SMIM36: variants seen among roughly 807,000 people sequenced by gnomAD.
SMIM36 encodes small integral membrane protein 36.
At chr17:55,512,897 T>C (rs887643583), upstream of SMIM36, among the ~76,000 whole-genome samples, 2 of 152,216 alleles carry the variant, frequency 1.3e-5, no homozygotes, top group Non-Finnish European at 2.9e-5. Context: ...TGGGCTAGTG[T>C]CTTCCTGTCA....
At chr17:55,470,154 G>T (rs1034345596) in intron 3 of SMIM36, among the ~76,000 whole-genome samples, 1 of 152,178 alleles carries the variant, frequency 6.6e-6, no homozygotes, top group East Asian at 1.9e-4. Flanking sequence ...ATCTGTGCAG[G>T]TCCCCACTGG....
At chr17:55,527,294 T>G in the SMIM36 span, 3 of 152,316 alleles carry the variant, frequency 2.0e-5, no homozygotes, top group South Asian at 6.2e-4. Context: ...ATTTCTCTCC[T>G]GGTGGGGATT....
At chr17:55,527,794 G>C in the SMIM36 span, 1 of 152,216 alleles carries the variant, frequency 6.6e-6, no homozygotes, top group Non-Finnish European at 1.5e-5. Context: ...CCACTCTGCA[G>C]ATCAGGGGAG....
At chr17:55,523,319 C>T in the SMIM36 span, among the ~76,000 whole-genome samples, 11 of 151,962 alleles carry the variant, frequency 7.2e-5, no homozygotes, top group East Asian at 1.2e-3. Flanking sequence ...ATCACGATGT[C>T]GGGAGATCGA....
intron 3 of SMIM36, among the ~76,000 whole-genome samples, chr17:55,467,571 T>C (rs1269689683): frequency 3.9e-5 from 6 of 152,122 alleles, no homozygotes; most frequent in Non-Finnish European, 5.9e-5. Flanking sequence ...TAATTTTTTG[T>C]ATTTTTAGTA....
intron 3 of SMIM36, among the ~76,000 whole-genome samples, chr17:55,471,126 C>T (rs983913105): frequency 3.9e-5 from 6 of 152,126 alleles, no homozygotes; most frequent in African/African-American, 1.4e-4. Flanking sequence ...CATCTCTCCT[C>T]CCAGCCTCTT....
chr17:55,526,210 C>G, the SMIM36 span, among the ~76,000 whole-genome samples: 9 of 152,246 alleles, frequency 5.9e-5, no homozygotes, highest in South Asian at 1.9e-3. Flanking sequence ...GTGGTGCGAT[C>G]TCGGCTCACT....
At chr17:55,487,776 C>T (rs1264145493) in intron 1 of SMIM36, among the ~76,000 whole-genome samples, 1 of 152,152 alleles carries the variant, frequency 6.6e-6, no homozygotes, top group Non-Finnish European at 1.5e-5. Flanking sequence ...GAGAGAGTGG[C>T]TTAAGTAAAA....
At chr17:55,476,463 T>G (rs565543181) in intron 3 of SMIM36, among the ~76,000 whole-genome samples, 1 of 152,244 alleles carries the variant, frequency 6.6e-6, no homozygotes, top group Non-Finnish European at 1.5e-5. Flanking sequence ...AAAGCTTTAT[T>G]GCTCACATAA....
Position 55,501,050 on chromosome 17 carries a change from T to A in SMIM36, c.*174+9829A>T, listed in dbSNP as rs1312023459. Among the ~76,000 whole-genome samples, 6 of 44,622 alleles carry A rather than the reference T, an allele frequency of 1.3e-4. 1 individual carries two copies. The highest frequency in any genetic ancestry group is 1.5e-3 in the East Asian group (2 of 1,324). 29.3% of individuals were successfully genotyped at this position (44,622 alleles called of 152,430 possible). On this transcript the variant is annotated intron_variant, in intron 1 of 4. Transcript: ENST00000636752. ...TATAATATATTATTATATATTATAA[T>A]ATATAATATATTATTATATATTATA... is the stretch of plus-strand genomic sequence containing the variant.
At chr17:55,530,819 A>T in the SMIM36 span, among the ~76,000 whole-genome samples, 1 of 152,086 alleles carries the variant, frequency 6.6e-6, no homozygotes, top group African/African-American at 2.4e-5. Context: ...AATTGCTTGG[A>T]TGTAGAAATT....
intron 4 of SMIM36, among the ~76,000 whole-genome samples, chr17:55,465,113 A>T (rs183837069): frequency 6.6e-6 from 1 of 152,370 alleles, no homozygotes; most frequent in Admixed American, 6.5e-5. Flanking sequence ...TGTTGGGCAG[A>T]CAAGTTCATA....
the SMIM36 span, among the ~76,000 whole-genome samples, chr17:55,519,257 G>A: frequency 0.35 from 53,165 of 151,988 alleles, 11,041 homozygotes; most frequent in Non-Finnish European, 0.46. Flanking sequence ...GTTAGTCAGT[G>A]AGCAGAATAG....
chr17:55,504,045 C>T (rs1484223057), intron 1 of SMIM36, among the ~76,000 whole-genome samples: 1 of 95,182 alleles, frequency 1.1e-5, no homozygotes, highest in African/African-American at 5.7e-5. Flanking sequence ...TATATATGCA[C>T]CCAATACAGG....
At chr17:55,494,461 G>C (rs1371262388) in intron 1 of SMIM36, among the ~76,000 whole-genome samples, 1 of 152,056 alleles carries the variant, frequency 6.6e-6, no homozygotes, top group Non-Finnish European at 1.5e-5. Flanking sequence ...TACCAATCTA[G>C]ACCAAAACCT....
intron 4 of SMIM36, among the ~76,000 whole-genome samples, chr17:55,457,978 C>T (rs1020097956): frequency 6.6e-6 from 1 of 152,176 alleles, no homozygotes; most frequent in African/African-American, 2.4e-5. Context: ...GATTTGCCTG[C>T]TAGCTGAACA....
At chr17:55,451,320 G>A (rs1046859960) in intron 4 of SMIM36, among the ~76,000 whole-genome samples, 14 of 152,136 alleles carry the variant, frequency 9.2e-5, no homozygotes, top group Admixed American at 6.6e-4. Flanking sequence ...CCCTCCTTCA[G>A]CACCTCCAGC....
chr17:55,526,941 C>T, the SMIM36 span: 1 of 152,132 alleles, frequency 6.6e-6, no homozygotes, highest in African/African-American at 2.4e-5. Flanking sequence ...GGCTCTACTC[C>T]CCTCAGCTGT....
At chr17:55,520,056 G>A in the SMIM36 span, among the ~76,000 whole-genome samples, 810 of 152,258 alleles carry the variant, frequency 5.3e-3, 7 homozygotes, top group South Asian at 0.02. Flanking sequence ...GGATCAAGAG[G>A]GAGAAGTTCT....
Sources: allele counts gnomAD v4.1 joint callset (sites outside exome capture counted in the v4.1 genomes callset), GRCh38; gene constraint gnomAD v4.1.1; transcripts MANE v1.5; gene names NCBI Gene and HGNC (gene_info 2026-07-23, HGNC 2026-07-21).